The following WNT7B variants were observed in gnomAD, a reference collection of about 807,000 sequenced individuals.
WNT7B encodes protein Wnt-7b.
Under a neutral mutation model 38.2 loss-of-function variants are expected in WNT7B, and 19 were observed. The observed-to-expected ratio is 0.50, with a 90% confidence interval of 0.35 to 0.73. The LOEUF (loss-of-function observed/expected upper bound fraction) is 0.73. Among genes scored for constraint, WNT7B ranks in the 30% least tolerant of loss-of-function variants. The pLI is 0.01. For synonymous variants in WNT7B, 243 were observed against 209.3 expected (o/e 1.16, Z -1.39); for missense variants, 423 against 507.9 (o/e 0.83, Z 1.61).
chr22:45,961,402 C>T (rs894145094), intron 1 of WNT7B, among the ~76,000 whole-genome samples: 4 of 152,204 alleles, frequency 2.6e-5, no homozygotes, highest in Non-Finnish European at 5.9e-5. Context: ...GGGACAGGCC[C>T]AAAGCGCTCC....
Position 45,942,807 on chromosome 22 carries a change from TG to T in WNT7B, c.298+7112del, listed in dbSNP as rs374056260. Among the ~76,000 whole-genome samples, 47 of 152,320 alleles carry T rather than the reference TG, an allele frequency of 3.1e-4. 1 individual carries two copies. The East Asian group carries it at 8.5e-3, about 28-fold the overall frequency. ...AATATTACCCGTCTCCAAGCAGGCC[TG>T]GACCCTGGGCCTCATGGTCCTGGCC... On this transcript the variant is annotated intron_variant, in intron 2 of 3. Coordinates refer to ENST00000339464, the MANE Select transcript of WNT7B (RefSeq NM_058238.3).
At chr22:45,941,331 G>A (rs1214986152) in intron 2 of WNT7B, among the ~76,000 whole-genome samples, 3 of 152,120 alleles carry the variant, frequency 2.0e-5, no homozygotes, top group Non-Finnish European at 4.4e-5. Flanking sequence ...CCAACATGGC[G>A]AAACCCCGTC....
At chr22:45,932,000 T>C (rs189701120) in intron 2 of WNT7B, among the ~76,000 whole-genome samples, 13 of 152,242 alleles carry the variant, frequency 8.5e-5, no homozygotes, top group Admixed American at 7.2e-4. Context: ...CTCCAGATCC[T>C]CGGCCCATTT....
rs935852960 is a variant in WNT7B at position 45,951,678 on chromosome 22, G to A, written c.72-1532C>T. ...CGTCTGGCTTCTTTCACTTAGCGTC[G>A]TGTTTTCAAGGGTCATCCACGTGGT... On this transcript the variant is annotated intron_variant, in intron 1 of 3. Transcript: ENST00000339464. This position sits in a 1 kb window ranked among gnomAD's most constrained non-coding sequence, Gnocchi z 4.8. Among the ~76,000 whole-genome samples, 8 of 152,166 alleles carry A rather than the reference G, an allele frequency of 5.3e-5. No homozygotes were observed. The highest frequency in any genetic ancestry group is 1.9e-4 in the African/African-American group (8 of 41,414).
At position 45,939,672 on chromosome 22, in the gene WNT7B, A is replaced by ACACACACAC. The variant is rs1477583799; in HGVS notation, c.299-8304_299-8303insGTGTGTGTG. Among the ~76,000 whole-genome samples the ACACACACAC allele has an allele frequency of 1.6e-3, 163 of 104,404 alleles. 1 individual carries two copies. Among genetic ancestry groups the ACACACACAC allele is most frequent in the East Asian group, 6.2e-3 (12 of 1,946 alleles). The allele number at this position is 104,404 out of a possible 152,430, so 68.5% of individuals were successfully genotyped here. A position where few individuals can be genotyped will look rare whatever the true frequency, so the allele number is the denominator to read the frequency against. On this transcript the variant is annotated intron_variant, in intron 2 of 3. Coordinates refer to ENST00000339464, the MANE Select transcript of WNT7B (RefSeq NM_058238.3). ...ACTCACACACACACACACACACACA[A>ACACACACAC]AAATAGCCAGGTGTGGTGGTGCACG... is the stretch of plus-strand genomic sequence containing the variant.
chr22:45,935,891 C>T (rs1931503032), intron 2 of WNT7B: 1 of 985,134 alleles, frequency 1.0e-6, no homozygotes, highest in Non-Finnish European at 1.2e-6. Flanking sequence ...TGGATGAGGG[C>T]AGCACGGATG....
At chr22:45,941,075 C>T (rs1413006667) in intron 2 of WNT7B, among the ~76,000 whole-genome samples, 2 of 152,170 alleles carry the variant, frequency 1.3e-5, no homozygotes, top group Admixed American at 6.5e-5. Context: ...CCCCACCCAC[C>T]GGGAGGCCTG....
At chr22:45,972,116 G>GGGGGGGGGGGGGCCCCCCCCCC in intron 1 of WNT7B, 1 of 530,744 alleles carries the variant, frequency 1.9e-6, no homozygotes. Context: ...CCCGGGGGGA[G>GGGGGGGGGGGGGCCCCCCCCCC]CCCACCCGCC....
rs907410965 is a variant in WNT7B at position 45,960,288 on chromosome 22, A to AC, written c.72-10143dup. 1.8e-4 allele frequency among the ~76,000 whole-genome samples: 28 copies of AC among 151,698 alleles called. No individual in the cohort carries two copies. In the South Asian group the frequency reaches 3.8e-3, roughly 20 times the overall value. Reference sequence around the variant, plus strand: ...ACCTGCTGAGCTCTCCACTGCAGAGACCCCTCCTTGGGGAGGCACTCCCAC... The same window carrying AC: ...ACCTGCTGAGCTCTCCACTGCAGAGACCCCCTCCTTGGGGAGGCACTCCCAC... On this transcript the variant is annotated intron_variant, in intron 1 of 3. Coordinates refer to ENST00000339464, the MANE Select transcript of WNT7B (RefSeq NM_058238.3).
Position 45,941,948 on chromosome 22 carries a change from G to C in WNT7B, c.298+7972C>G, listed in dbSNP as rs114339642. 2.0e-3 allele frequency among the ~76,000 whole-genome samples: 302 copies of C among 151,842 alleles called. 3 individuals carry two copies. The highest frequency in any genetic ancestry group is 6.3e-3 in the African/African-American group (263 of 41,510). On this transcript the variant is annotated intron_variant, in intron 2 of 3. Transcript: ENST00000339464. ...ACTGCTGGGGCTGAGGTAGGGTAGG[G>C]ATGCAGGGTGGGGTGGGGTCCCTGA...
rs1340632593 is a variant in WNT7B at position 45,922,907 on chromosome 22, G to A, written c.999C>T (p.Phe333=). 6.2e-6 allele frequency: 10 copies of A among 1,611,396 alleles called. No individual in the cohort carries two copies. The highest frequency in any genetic ancestry group is 2.2e-5 in the East Asian group (1 of 44,776). Reference sequence around the variant, plus strand: ...GCTCGCTGCAGGTGTTGCACTTGACGAAGCAGCACCAGTGGAATTTGCAGT... The same window carrying A: ...GCTCGCTGCAGGTGTTGCACTTGACAAAGCAGCACCAGTGGAATTTGCAGT... ...QCNCKFHWCC[F]VKCNTCSERT... is the part of the protein sequence containing the mutation. Residue 333 remains phenylalanine (F), a synonymous_variant, in exon 4 of 4, where the codon TTC becomes TTT. Coordinates refer to ENST00000339464, the MANE Select transcript of WNT7B (RefSeq NM_058238.3).
Position 45,931,257 on chromosome 22 carries a change from C to T in WNT7B, c.411G>A (p.Lys137=), listed in dbSNP as rs1392436740. ...NLSNCGCDRE[K]QGYYNQAEGW... ...CCTCGGCTTGGTTGTAGTAGCCCTG[C>T]TTCTCGCGGTCGCAGCCGCAGTTGC... The change falls in exon 3 of 4, where the codon AAG becomes AAA. Residue 137 remains lysine, a synonymous_variant. Coordinates refer to ENST00000339464, the MANE Select transcript of WNT7B (RefSeq NM_058238.3). 3.1e-6 allele frequency: 5 copies of T among 1,598,884 alleles called. No homozygotes were observed. The African/African-American group carries it at 6.7e-5, about 21-fold the overall frequency.
Position 45,949,957 on chromosome 22 carries a change from G to T in WNT7B, c.261C>A (p.Leu87=), listed in dbSNP as rs147267470. 2.5e-6 allele frequency: 4 copies of T among 1,612,136 alleles called. No homozygotes were observed. The highest frequency in any genetic ancestry group is 1.1e-5 in the South Asian group (1 of 91,066). Residue 87 remains leucine, a synonymous_variant, in exon 2 of 4, where the codon CTC becomes CTA. Transcript: ENST00000339464. ...CTTGCCCGAAGACGGTCTTCTCGCC[G>T]AGGGCAGAGCAGTTCCAGCGTCCGA... is the stretch of plus-strand genomic sequence containing the variant. ...FRFGRWNCSA[L]GEKTVFGQEL...
chr22:45,961,834 A>T (rs1932203224), intron 1 of WNT7B, among the ~76,000 whole-genome samples: 1 of 152,056 alleles, frequency 6.6e-6, no homozygotes, highest in Non-Finnish European at 1.5e-5. Context: ...CCTGTGTTTG[A>T]GTTCTGCTCA....
chr22:45,960,107 A>G lies in WNT7B; in HGVS notation c.72-9961T>C, dbSNP rs1033061180. On this transcript the variant is annotated intron_variant, in intron 1 of 3. Coordinates refer to ENST00000339464, the MANE Select transcript of WNT7B (RefSeq NM_058238.3). ...ACCCACGCGCCACCCTGACACCAGCAGGATCATGGCCTCGGGGCCTGCCTG... is the reference window on the plus strand; with the variant it reads ...ACCCACGCGCCACCCTGACACCAGCGGGATCATGGCCTCGGGGCCTGCCTG... 4.6e-5 allele frequency among the ~76,000 whole-genome samples: 7 copies of G among 152,248 alleles called. No homozygotes were observed. In the East Asian group the frequency reaches 9.7e-4, roughly 21 times the overall value.
intron 2 of WNT7B, among the ~76,000 whole-genome samples, chr22:45,938,876 C>T (rs1931575717): frequency 6.6e-6 from 1 of 151,968 alleles, no homozygotes; most frequent in African/African-American, 2.4e-5. Flanking sequence ...TCACATGGAC[C>T]CCATAAATAT....
chr22:45,949,242 G>A (rs1048049985), intron 2 of WNT7B, among the ~76,000 whole-genome samples: 1 of 152,176 alleles, frequency 6.6e-6, no homozygotes, highest in African/African-American at 2.4e-5. Context: ...TGTGGCCTCA[G>A]GGGCTGTGCA....
Position 45,923,400 on chromosome 22 carries a change from A to T in WNT7B, c.571-65T>A, listed in dbSNP as rs891379090. ...AAGCTGGGCCCCTCTAGGTTCCCCT[A>T]CCCCTGCCTCTAGCCCAGCCCTGGA... On this transcript the variant is annotated intron_variant, in intron 3 of 3. Transcript: ENST00000339464. 2.6e-6 allele frequency: 4 copies of T among 1,526,496 alleles called. No homozygotes were observed. In the African/African-American group the frequency reaches 4.1e-5, roughly 16 times the overall value. The allele number at this position is 1,526,496 out of a possible 1,614,324, so 94.6% of individuals were successfully genotyped here. A position where few individuals can be genotyped will look rare whatever the true frequency, so the allele number is the denominator to read the frequency against.
rs560107599 is a variant in WNT7B, at chr22:45,953,951, G to A, written c.72-3805C>T. On this transcript the variant is annotated intron_variant, in intron 1 of 3. Coordinates refer to ENST00000339464, the MANE Select transcript of WNT7B (RefSeq NM_058238.3). The stretch of plus-strand genomic sequence containing the variant: ...AAGACAGGTGTTTAGACTAAAGTTT[G>A]TACACAAATGATCACAGTAGCACTA... Among the ~76,000 whole-genome samples, 4 of 152,230 alleles carry A rather than the reference G, an allele frequency of 2.6e-5. No homozygotes were observed. In the South Asian group the frequency reaches 8.3e-4, roughly 32 times the overall value.
Sources: allele counts gnomAD v4.1 joint callset (sites outside exome capture counted in the v4.1 genomes callset), GRCh38; gene constraint gnomAD v4.1.1; non-coding constraint Gnocchi (gnomAD v3.1); transcripts MANE v1.5; gene names NCBI Gene and HGNC (gene_info 2026-07-23, HGNC 2026-07-21).